Variants in FURIN observed in about 807,000 individuals in gnomAD.
FURIN encodes the protein FES upstream region.
Under a neutral mutation model 89.2 loss-of-function variants are expected in FURIN, and 18 were observed. The ratio of observed to expected loss-of-function variants is 0.20; its 90% CI spans 0.14 to 0.30. FURIN has a LOEUF of 0.30. Ranked by LOEUF, FURIN falls within the 10% of genes least tolerant of loss-of-function variation. The pLI, the probability that FURIN is intolerant of heterozygous loss-of-function variation, is 1.00. For synonymous variants in FURIN, 508 were observed against 466.4 expected (o/e 1.09, Z -1.15); for missense variants, 879 against 1,100.5 (o/e 0.80, Z 2.85).
In FURIN at chr15:90,877,206, C is replaced by A. The variant is rs1248552303; in HGVS notation, c.573C>A (p.Asp191Glu). The change falls in exon 6 of 16, where the codon GAC becomes GAA. Residue 191 changes from aspartate (D) to glutamate (E), a missense_variant. Physicochemically the swap from Asp to Glu is conservative, Grantham distance 45. This residue lies in a region of FURIN where 139 missense variants were observed against 215.0 expected (regional missense o/e 0.65). Transcript: ENST00000268171. ...AGCCTCGGTACACACAGATGAATGA[C>A]AACAGGTAAGAAGTGGCAGGCCCCG... ...DPQPRYTQMNDNRHGTRCAGE... is the reference protein window; with the variant it reads ...DPQPRYTQMNENRHGTRCAGE... 8 of 1,606,732 alleles carry A rather than the reference C, an allele frequency of 5.0e-6. No homozygotes were observed. The highest frequency in any genetic ancestry group is 6.8e-6 in the Non-Finnish European group (8 of 1,176,002).
Position 90,878,114 on chromosome 15 carries a change from C to G in FURIN, c.668-18C>G. The G allele has an allele frequency of 6.2e-7, 1 of 1,610,626 alleles. No homozygotes were observed. Among genetic ancestry groups the G allele is most frequent in the African/African-American group, 1.3e-5 (1 of 74,740 alleles). The stretch of plus-strand genomic sequence containing the variant: ...GACCCATGCAGCATCCCTCTTCGTG[C>G]CCCCCCTTCACGGCCAGGGGTGCGC... On this transcript the variant is annotated intron_variant, in intron 7 of 15. Transcript: ENST00000268171.
rs1454322191 is a variant in FURIN at position 90,876,394 on chromosome 15, C to A, written c.276+41C>A. The A allele has an allele frequency of 6.6e-7, 1 of 1,521,696 alleles. No individual in the cohort carries two copies. The highest frequency in any genetic ancestry group is 9.1e-7 in the Non-Finnish European group (1 of 1,095,918). 94.3% of individuals were successfully genotyped at this position (1,521,696 alleles called of 1,614,324 possible). A position where few individuals can be genotyped will look rare whatever the true frequency, so the allele number is the denominator to read the frequency against. ...GCCCCCTCCTGCTGCCACCCTCCCC[C>A]TCCTGCTCTCAGGAGCCCCTCTCGC... On this transcript the variant is annotated intron_variant, in intron 3 of 15. Transcript: ENST00000268171. The surrounding 1 kb of genome is among the most constrained non-coding windows in gnomAD (Gnocchi z 5.0).
rs757408104 is a variant in FURIN at position 90,881,893 on chromosome 15, A to G, written c.*15A>G. 1.3e-6 allele frequency: 2 copies of G among 1,540,038 alleles called. No homozygotes were observed. The highest frequency in any genetic ancestry group is 1.4e-5 in the African/African-American group (1 of 72,972). On this transcript the variant is annotated 3_prime_UTR_variant, in exon 16 of 16. Coordinates refer to ENST00000268171, the MANE Select transcript of FURIN (RefSeq NM_002569.4). The surrounding 1 kb of genome is among the most constrained non-coding windows in gnomAD (Gnocchi z 4.3). ...GCGCCCTCTGATGAGCCCACTGCCCACCCCCTCAAGCCAATCCCCTCCTTG... is the reference window on the plus strand; with the variant it reads ...GCGCCCTCTGATGAGCCCACTGCCCGCCCCCTCAAGCCAATCCCCTCCTTG...
At position 90,881,689 on chromosome 15, in the gene FURIN, C is replaced by T. The variant is rs771268323; in HGVS notation, c.2196C>T (p.Val732=). 8.8e-6 allele frequency: 14 copies of T among 1,588,788 alleles called. No individual in the cohort carries two copies. The highest frequency in any genetic ancestry group is 1.1e-5 in the Non-Finnish European group (13 of 1,165,832). The part of the protein sequence containing the change: ...CAFIVLVFVT[V]FLVLQLRSGF... The stretch of plus-strand genomic sequence containing the variant: ...TCATCGTGCTGGTCTTCGTCACTGT[C>T]TTCCTGGTCCTGCAGCTGCGCTCTG... The change falls in exon 16 of 16, where the codon GTC becomes GTT. Residue 732 remains valine, a synonymous_variant. Transcript: ENST00000268171. The surrounding 1 kb of genome is among the most constrained non-coding windows in gnomAD (Gnocchi z 4.3).
Position 90,878,152 on chromosome 15 carries a change from G to A in FURIN, c.688G>A (p.Glu230Lys), listed in dbSNP as rs1347562753. 2 of 1,613,856 alleles carry A rather than the reference G, an allele frequency of 1.2e-6. No homozygotes were observed. The highest frequency in any genetic ancestry group is 1.1e-5 in the South Asian group (1 of 91,086). The change falls in exon 8 of 16, where the codon GAG (glutamate) becomes AAG (lysine). Residue 230 changes from glutamate to lysine, a missense_variant. Glu to Lys is a moderately conservative substitution (Grantham distance 56, BLOSUM62 1). Coordinates refer to ENST00000268171, the MANE Select transcript of FURIN (RefSeq NM_002569.4). Reference protein sequence around the residue: ...RIGGVRMLDGEVTDAVEARSL... With the variant: ...RIGGVRMLDGKVTDAVEARSL... ...GCCAGGGGTGCGCATGCTGGATGGC[G>A]AGGTGACAGATGCAGTGGAGGCACG... is the stretch of plus-strand genomic sequence containing the variant.
At chr15:90,880,870 G>T in intron 14 of FURIN, 55 bp downstream of exon 14, 1 of 1,610,478 alleles carries the variant, frequency 6.2e-7, no homozygotes, top group South Asian at 1.1e-5. Context: ...GCAGGATCTC[G>T]AGCACTGGGT....
rs569592962 is a variant in FURIN, at chr15:90,870,185, A to T, written c.-160+1474A>T. Among the ~76,000 whole-genome samples the T allele has an allele frequency of 5.4e-4, 82 of 152,354 alleles. 3 individuals are homozygous for T. The South Asian group carries it at 0.012, about 22-fold the overall frequency. ...ATTTTATAGAGGGGTAAATTGAGGAAGTCCCTGAGAAATTAACTTGTCTAA... is the reference window on the plus strand; with the variant it reads ...ATTTTATAGAGGGGTAAATTGAGGATGTCCCTGAGAAATTAACTTGTCTAA... On this transcript the variant is annotated intron_variant, in intron 1 of 15. Transcript: ENST00000268171.
Position 90,878,188 on chromosome 15 carries a change from C to T in FURIN, c.724C>T (p.Leu242=). The T allele has an allele frequency of 6.2e-7, 1 of 1,613,964 alleles. No individual in the cohort carries two copies. Among genetic ancestry groups the T allele is most frequent in the Non-Finnish European group, 8.5e-7 (1 of 1,180,006 alleles). ...TGCAGTGGAGGCACGCTCGCTGGGC[C>T]TGAACCCCAACCACATCCACATCTA... The part of the protein sequence containing the change: ...TDAVEARSLG[L]NPNHIHIYSA... The change falls in exon 8 of 16, where the codon CTG becomes TTG. Residue 242 remains leucine (L), a synonymous_variant. Coordinates refer to ENST00000268171, the MANE Select transcript of FURIN (RefSeq NM_002569.4).
rs372572646 is a variant in FURIN, at chr15:90,881,072, C to G, written c.1792+32C>G. On this transcript the variant is annotated intron_variant, in intron 15 of 15. Coordinates refer to ENST00000268171, the MANE Select transcript of FURIN (RefSeq NM_002569.4). The surrounding 1 kb of genome is among the most constrained non-coding windows in gnomAD (Gnocchi z 4.3). ...AGTGGGTGCTGTTGGGCTTTGGGGG[C>G]CTGAGTCTGGGGGTAAGGCGGGTGC... The G allele has an allele frequency of 5.8e-5, 88 of 1,511,932 alleles. No individual in the cohort carries two copies. In the African/African-American group the frequency reaches 1.1e-3, roughly 19 times the overall value. 93.7% of individuals were successfully genotyped at this position (1,511,932 alleles called of 1,614,324 possible). A position where few individuals can be genotyped will look rare whatever the true frequency, so the allele number is the denominator to read the frequency against.
In FURIN at chr15:90,881,935, C is replaced by G; in HGVS notation, c.*57C>G. Reference sequence around the variant, plus strand: ...CCCTCCTTGGGCACTTTTTAATTCACCAAAGTATTTTTTTATCTTGGGACT... The same window carrying G: ...CCCTCCTTGGGCACTTTTTAATTCAGCAAAGTATTTTTTTATCTTGGGACT... On this transcript the variant is annotated 3_prime_UTR_variant, in exon 16 of 16. Transcript: ENST00000268171. The surrounding 1 kb of genome is among the most constrained non-coding windows in gnomAD (Gnocchi z 4.3). The G allele has an allele frequency of 1.6e-6, 2 of 1,231,332 alleles. No homozygotes were observed. The highest frequency in any genetic ancestry group is 2.3e-6 in the Non-Finnish European group (2 of 867,812). The allele number at this position is 1,231,332 out of a possible 1,614,324, so 76.3% of individuals were successfully genotyped here. A position where few individuals can be genotyped will look rare whatever the true frequency, so the allele number is the denominator to read the frequency against.
intron 7 of FURIN, among the ~76,000 whole-genome samples, 179 bp downstream of exon 7, chr15:90,877,794 G>A (rs1279859269): frequency 6.6e-6 from 1 of 152,186 alleles, no homozygotes; most frequent in African/African-American, 2.4e-5. Flanking sequence ...CCTGTGGAGT[G>A]AGGGTTTCCT....
Position 90,875,867 on chromosome 15 carries a change from G to T in FURIN, c.127G>T (p.Ala43Ser). 6.3e-7 allele frequency: 1 copy of T among 1,587,470 alleles called. No individual in the cohort carries two copies. The highest frequency in any genetic ancestry group is 8.6e-7 in the Non-Finnish European group (1 of 1,167,872). ...TWAVRIPGGP[A>S]VANSVARKHG... ...GGCTGTGCGCATCCCTGGAGGCCCA[G>T]CGGTGGCCAACAGTGTGGCACGGAA... The change falls in exon 2 of 16, where the codon GCG becomes TCG. Residue 43 changes from alanine to serine, a missense_variant. Around this residue, in one of 5 missense-constraint regions of FURIN, gnomAD observed 125 missense variants for 125.0 expected, o/e 1.00. Transcript: ENST00000268171.
Position 90,881,206 on chromosome 15 carries a change from A to T in FURIN, c.1793-80A>T. The stretch of plus-strand genomic sequence containing the variant: ...GCTGGAGGATCCTGGGGATGTGGTG[A>T]CTTGGCTTGGGGCTGCTGTGGTCCT... On this transcript the variant is annotated intron_variant, in intron 15 of 15. Coordinates refer to ENST00000268171, the MANE Select transcript of FURIN (RefSeq NM_002569.4). The surrounding 1 kb of genome is among the most constrained non-coding windows in gnomAD (Gnocchi z 4.3). The T allele has an allele frequency of 2.4e-6, 3 of 1,232,204 alleles. No homozygotes were observed. Among genetic ancestry groups the T allele is most frequent in the Non-Finnish European group, 2.3e-6 (2 of 864,934 alleles). The allele number at this position is 1,232,204 out of a possible 1,614,324, so 76.3% of individuals were successfully genotyped here.
At chr15:90,879,068 C>T (rs1349070914) in intron 9 of FURIN, 92 bp downstream of exon 9, 6 of 806,252 alleles carry the variant, frequency 7.4e-6, no homozygotes, top group African/African-American at 1.7e-5. Flanking sequence ...GCCTCCACCC[C>T]CATGTGGCTG....
rs762015916 is a variant in FURIN at position 90,878,749 on chromosome 15, C to G, written c.841-15C>G. On this transcript the variant is annotated splice_polypyrimidine_tract_variant and intron_variant, in intron 8 of 15. Coordinates refer to ENST00000268171, the MANE Select transcript of FURIN (RefSeq NM_002569.4). ...AGTCCCAATCTTGAATGACCCCAGCCCACTCTGTCCACAGGGCCGAGGGGG... is the reference window on the plus strand; with the variant it reads ...AGTCCCAATCTTGAATGACCCCAGCGCACTCTGTCCACAGGGCCGAGGGGG... 1 of 1,518,316 alleles carries G rather than the reference C, an allele frequency of 6.6e-7. No homozygotes were observed. Among genetic ancestry groups the G allele is most frequent in the South Asian group, 1.1e-5 (1 of 89,060 alleles). The allele number at this position is 1,518,316 out of a possible 1,614,324, so 94.1% of individuals were successfully genotyped here. A position where few individuals can be genotyped will look rare whatever the true frequency, so the allele number is the denominator to read the frequency against.
rs1596080745 is a variant in FURIN, at chr15:90,882,334, A to C, written c.*456A>C. 5.8e-6 allele frequency: 1 copy of C among 171,530 alleles called. No homozygotes were observed. The highest frequency in any genetic ancestry group is 1.3e-4 in the South Asian group (1 of 7,780). The allele number at this position is 171,530 out of a possible 1,614,324, so 10.6% of individuals were successfully genotyped here. ...CTCTCCAAGGGCTTCTGCACCCTCC[A>C]CCCTGTCCCCCAGCTCTGGTGAGTC... On this transcript the variant is annotated 3_prime_UTR_variant, in exon 16 of 16. Coordinates refer to ENST00000268171, the MANE Select transcript of FURIN (RefSeq NM_002569.4).
chr15:90,879,719 G>A lies in FURIN; in HGVS notation c.1203G>A (p.Ser401=), dbSNP rs748238078. The A allele has an allele frequency of 5.1e-5, 83 of 1,613,700 alleles. No homozygotes were observed. Among genetic ancestry groups the A allele is most frequent in the Non-Finnish European group, 6.4e-5 (75 of 1,180,034 alleles). ...RDMQHLVVQT[S]KPAHLNANDW... is the part of the protein sequence containing the mutation. The stretch of plus-strand genomic sequence containing the variant: ...TGCAACACCTGGTGGTACAGACCTC[G>A]AAGCCAGCCCACCTCAATGCCAACG... The change falls in exon 11 of 16, where the codon TCG becomes TCA. Residue 401 remains serine (S), a synonymous_variant. Transcript: ENST00000268171.
intron 5 of FURIN, 46 bp downstream of exon 5, chr15:90,877,070 C>T (rs747989085): frequency 6.2e-7 from 1 of 1,612,682 alleles, no homozygotes; most frequent in Non-Finnish European, 8.5e-7. Context: ...TGAGGTGTGT[C>T]TAGAGGCTGT....
In FURIN at chr15:90,881,938, A is replaced by G. The variant is rs2151229993; in HGVS notation, c.*60A>G. ...TCCTTGGGCACTTTTTAATTCACCA[A>G]AGTATTTTTTTATCTTGGGACTGGG... On this transcript the variant is annotated 3_prime_UTR_variant, in exon 16 of 16. Coordinates refer to ENST00000268171, the MANE Select transcript of FURIN (RefSeq NM_002569.4). The surrounding 1 kb of genome is among the most constrained non-coding windows in gnomAD (Gnocchi z 4.3). The G allele has an allele frequency of 8.3e-7, 1 of 1,204,916 alleles. No homozygotes were observed. Among genetic ancestry groups the G allele is most frequent in the East Asian group, 2.5e-5 (1 of 39,464 alleles). 74.6% of individuals were successfully genotyped at this position (1,204,916 alleles called of 1,614,324 possible).
Sources: allele counts gnomAD v4.1 joint callset (sites outside exome capture counted in the v4.1 genomes callset), GRCh38; gene constraint gnomAD v4.1.1; regional missense constraint gnomAD v4.1.1; non-coding constraint Gnocchi (gnomAD v3.1); transcripts MANE v1.5; gene names NCBI Gene and HGNC (gene_info 2026-07-23, HGNC 2026-07-21).